The following PPARGC1A variants were observed in gnomAD, a reference collection of about 807,000 sequenced individuals.
The protein encoded by PPARGC1A is peroxisome proliferator-activated receptor gamma coactivator 1-alpha.
PPARGC1A carries 25 observed loss-of-function variants against 88.7 expected under a neutral mutation model. The observed-to-expected ratio is 0.28, with a 90% confidence interval of 0.21 to 0.39. The LOEUF is 0.39. Among genes scored for constraint, PPARGC1A ranks in the 10% least tolerant of loss-of-function variants. The pLI is 1.00. For synonymous variants in PPARGC1A, 363 were observed against 355.6 expected, an observed-to-expected ratio of 1.02 and a Z score of -0.24; for missense variants, 880 against 968.7, an observed-to-expected ratio of 0.91 and a Z score of 1.22.
At chr4:24,176,137 C>G in the PPARGC1A span, among the ~76,000 whole-genome samples, 47 of 152,310 alleles carry the variant, frequency 3.1e-4, 1 homozygote, top group Admixed American at 2.7e-3. Flanking sequence ...CCAGGACCTA[C>G]TACAGCTCCT....
the PPARGC1A span, among the ~76,000 whole-genome samples, chr4:24,152,898 C>A: frequency 1.3e-5 from 2 of 152,192 alleles, no homozygotes; most frequent in South Asian, 2.1e-4. Flanking sequence ...ACCTTGTTTG[C>A]CACTCAGCAA....
chr4:24,235,302 G>T, the PPARGC1A span, among the ~76,000 whole-genome samples: 2 of 152,150 alleles, frequency 1.3e-5, no homozygotes, highest in African/African-American at 4.8e-5. Flanking sequence ...TCACATAAAG[G>T]TATCTTGAAA....
the PPARGC1A span, among the ~76,000 whole-genome samples, chr4:24,201,501 C>A: frequency 2.2e-4 from 34 of 152,214 alleles, no homozygotes; most frequent in Non-Finnish European, 4.1e-4. Flanking sequence ...TGAGAAGAAG[C>A]ACTTCAGCCA....
chr4:24,252,791 A>G, the PPARGC1A span, among the ~76,000 whole-genome samples: 1 of 152,248 alleles, frequency 6.6e-6, no homozygotes, highest in Non-Finnish European at 1.5e-5. Flanking sequence ...AAATGTTATC[A>G]TCGTTTTGTA....
At chr4:24,081,951 C>G in the PPARGC1A span, among the ~76,000 whole-genome samples, 1 of 151,930 alleles carries the variant, frequency 6.6e-6, no homozygotes, top group Non-Finnish European at 1.5e-5. Context: ...CTCGATAAGG[C>G]TTCTATGAGA....
At chr4:24,186,981 T>A in the PPARGC1A span, among the ~76,000 whole-genome samples, 4 of 152,230 alleles carry the variant, frequency 2.6e-5, no homozygotes, top group Non-Finnish European at 4.4e-5. Flanking sequence ...TACAGTTTTT[T>A]AAAAATTGCC....
chr4:24,440,417 G>A, the PPARGC1A span, among the ~76,000 whole-genome samples: 3 of 152,308 alleles, frequency 2.0e-5, no homozygotes, highest in South Asian at 2.1e-4. Context: ...GCCAGTTCAC[G>A]CAAAGTACAG....
At chr4:24,142,011 G>A in the PPARGC1A span, among the ~76,000 whole-genome samples, 5 of 152,246 alleles carry the variant, frequency 3.3e-5, no homozygotes, top group East Asian at 9.7e-4. Flanking sequence ...CTTTCGTGAG[G>A]CACTCAAAGA....
chr4:24,271,377 T>A, the PPARGC1A span, among the ~76,000 whole-genome samples: 14 of 38,170 alleles, frequency 3.7e-4, no homozygotes, highest in Non-Finnish European at 7.8e-4. Context: ...TAAATCCTTG[T>A]CCTTTTACTT....
At chr4:24,224,229 T>TTTTG in the PPARGC1A span, among the ~76,000 whole-genome samples, 9 of 152,260 alleles carry the variant, frequency 5.9e-5, no homozygotes, top group South Asian at 1.5e-3. Flanking sequence ...GCACGCCTAC[T>TTTTG]GTCACATTGG....
the PPARGC1A span, among the ~76,000 whole-genome samples, chr4:23,962,928 A>G: frequency 7.2e-5 from 11 of 152,144 alleles, no homozygotes; most frequent in East Asian, 1.2e-3. Context: ...TCAGAAGAAC[A>G]CTCGCCACCT....
chr4:23,921,207 T>C, the PPARGC1A span, among the ~76,000 whole-genome samples: 1 of 152,192 alleles, frequency 6.6e-6, no homozygotes, highest in Admixed American at 6.5e-5. Context: ...ATTAAACTCT[T>C]TAAGACTTTG....
At chr4:23,833,067 G>A (rs369718076) in intron 2 of PPARGC1A, among the ~76,000 whole-genome samples, 2 of 152,156 alleles carry the variant, frequency 1.3e-5, no homozygotes, top group African/African-American at 4.8e-5. Flanking sequence ...CTGAAGTGTG[G>A]GAGATACAAA....
At chr4:24,370,037 T>C in the PPARGC1A span, among the ~76,000 whole-genome samples, 1 of 152,236 alleles carries the variant, frequency 6.6e-6, no homozygotes, top group African/African-American at 2.4e-5. Flanking sequence ...ATTAAACTTC[T>C]AAGACTTAAG....
the PPARGC1A span, among the ~76,000 whole-genome samples, chr4:24,058,659 G>C: frequency 6.6e-6 from 1 of 152,174 alleles, no homozygotes; most frequent in Admixed American, 6.5e-5. Flanking sequence ...AAAGATTAGA[G>C]CACATGGCTA....
the PPARGC1A span, among the ~76,000 whole-genome samples, chr4:23,938,629 G>A: frequency 6.6e-6 from 1 of 152,200 alleles, no homozygotes; most frequent in Non-Finnish European, 1.5e-5. Flanking sequence ...ATGAATGGGA[G>A]TGTGAAAGAC....
the PPARGC1A span, among the ~76,000 whole-genome samples, chr4:24,048,406 T>G: frequency 6.6e-6 from 1 of 152,200 alleles, no homozygotes; most frequent in Non-Finnish European, 1.5e-5. Context: ...TACTTCTCTT[T>G]CTCATTTTTG....
the PPARGC1A span, among the ~76,000 whole-genome samples, chr4:24,249,886 G>C: frequency 6.6e-6 from 1 of 152,226 alleles, no homozygotes; most frequent in African/African-American, 2.4e-5. Context: ...CTAGCCCATA[G>C]TAAGTGCTCA....
the PPARGC1A span, among the ~76,000 whole-genome samples, chr4:24,416,743 A>G: frequency 6.6e-6 from 1 of 152,156 alleles, no homozygotes; most frequent in African/African-American, 2.4e-5. Context: ...AAAAACAGGG[A>G]AACATGGCTT....
Sources: gnomAD v4.1 joint callset for allele counts (sites outside exome capture counted in the v4.1 genomes callset) on GRCh38, gnomAD v4.1.1 for gene constraint, MANE v1.5 for transcripts, NCBI Gene and HGNC (gene_info 2026-07-23, HGNC 2026-07-21) for gene names.